Variants in PDE4D observed in about 807,000 individuals in gnomAD.
The protein encoded by PDE4D is phosphodiesterase 4D, also known as 3',5'-cyclic-AMP phosphodiesterase 4D.
PDE4D carries 24 observed loss-of-function variants against 87.4 expected under a neutral mutation model. That is an observed-to-expected ratio of 0.27 (90% CI 0.20 to 0.39). The LOEUF is 0.39. PDE4D is among the 10% of genes least tolerant of loss of function. PDE4D has a pLI of 1.00. For missense variants in PDE4D, 714 were observed against 1,041.0 expected (o/e 0.69, Z 4.32); for synonymous variants, 384 against 383.2 (o/e 1.00, Z -0.02).
At position 60,354,622 on chromosome 5, in the gene PDE4D, C is replaced by T. The variant is rs376679391; in HGVS notation, c.-90+133320G>A. Among the ~76,000 whole-genome samples, 9 of 152,222 alleles carry T rather than the reference C, an allele frequency of 5.9e-5. 1 individual carries two copies. Among genetic ancestry groups the T allele is most frequent in the African/African-American group, 2.2e-4 (9 of 41,566 alleles). On this transcript the variant is annotated intron_variant, in intron 1 of 16. Transcript: ENST00000502484. ...ACAAGGTAATCTCTATATGTTATTT[C>T]CTGTTTTCTGGTTATAAATCTAAGT...
At chr5:59,746,170 T>A (rs1223826906) in intron 1 of PDE4D, among the ~76,000 whole-genome samples, 2 of 152,128 alleles carry the variant, frequency 1.3e-5, no homozygotes, top group African/African-American at 4.8e-5. Context: ...TGTGTCCAAA[T>A]CATGGAAAAA....
chr5:59,162,938 C>T (rs1360204008), intron 5 of PDE4D, among the ~76,000 whole-genome samples: 2 of 150,352 alleles, frequency 1.3e-5, no homozygotes, highest in African/African-American at 2.4e-5. Context: ...TCTCACTTAT[C>T]TAATTGATTT....
chr5:59,299,932 A>T (rs970294900), intron 1 of PDE4D, among the ~76,000 whole-genome samples: 3 of 152,156 alleles, frequency 2.0e-5, no homozygotes, highest in African/African-American at 7.2e-5. Context: ...CAACATGGCG[A>T]AACCCTGTCT....
intron 2 of PDE4D, among the ~76,000 whole-genome samples, chr5:59,205,610 C>G (rs1207494281): frequency 6.6e-6 from 1 of 150,476 alleles, no homozygotes; most frequent in Non-Finnish European, 1.5e-5. Context: ...ACAGAATATT[C>G]TGCAAGACTC....
At position 59,670,749 on chromosome 5, in the gene PDE4D, C is replaced by G. The variant is rs1216018802; in HGVS notation, c.455+222419G>C. ...TGTAATTATAATAAAGTGGAAAAAA[C>G]TATATCAGGTATGAGTATTAATATT... is the stretch of plus-strand genomic sequence containing the variant. On this transcript the variant is annotated intron_variant, in intron 1 of 14. Transcript: ENST00000340635. Among the ~76,000 whole-genome samples the G allele has an allele frequency of 2.0e-5, 3 of 152,016 alleles. No homozygotes were observed. The East Asian group carries it at 5.8e-4, about 29-fold the overall frequency.
At chr5:59,504,712 C>T (rs1043828905) in intron 1 of PDE4D, among the ~76,000 whole-genome samples, 2 of 152,008 alleles carry the variant, frequency 1.3e-5, no homozygotes, top group African/African-American at 4.8e-5. Context: ...CAAACCACAC[C>T]AGAGTCCACC....
intron 1 of PDE4D, among the ~76,000 whole-genome samples, chr5:60,410,268 G>A (rs896032280): frequency 2.6e-5 from 4 of 152,194 alleles, no homozygotes; most frequent in Non-Finnish European, 5.9e-5. Flanking sequence ...CCTGAAGTGC[G>A]ATCAGTGGAC....
chr5:59,217,262 G>T (rs1002742347), intron 1 of PDE4D: 2 of 455,920 alleles, frequency 4.4e-6, no homozygotes, highest in Admixed American at 2.4e-5. Flanking sequence ...AGAAAAACTT[G>T]TTGAAAGAAT....
Position 60,120,883 on chromosome 5 carries a change from CA to C in PDE4D, c.42+64673del, listed in dbSNP as rs531383406. On this transcript the variant is annotated intron_variant, in intron 2 of 16. Transcript: ENST00000502484. ...CTGGGTGTGTCTGTGAGGGTGTTGCCAAAGGAGATTAACATTTGAGTCAGTG... is the reference window on the plus strand; with the variant it reads ...CTGGGTGTGTCTGTGAGGGTGTTGCCAAGGAGATTAACATTTGAGTCAGTG... Among the ~76,000 whole-genome samples the C allele has an allele frequency of 7.4e-3, 1,120 of 152,094 alleles. 4 individuals are homozygous for C. Among genetic ancestry groups the C allele is most frequent in the Middle Eastern group, 0.027 (8 of 294 alleles).
intron 5 of PDE4D, among the ~76,000 whole-genome samples, chr5:59,079,610 G>A (rs1180650277): frequency 6.6e-6 from 1 of 151,750 alleles, no homozygotes; most frequent in Non-Finnish European, 1.5e-5. Flanking sequence ...AGAATTGCTT[G>A]AGGCCAGGAG....
chr5:59,470,549 T>C (rs1802287308), intron 1 of PDE4D, among the ~76,000 whole-genome samples: 1 of 152,218 alleles, frequency 6.6e-6, no homozygotes, highest in South Asian at 2.1e-4. Context: ...TATAGTAAGA[T>C]CTTCCATAAA....
chr5:59,549,754 T>A (rs548777634), intron 1 of PDE4D, among the ~76,000 whole-genome samples: 1 of 152,032 alleles, frequency 6.6e-6, no homozygotes, highest in Non-Finnish European at 1.5e-5. Flanking sequence ...AACACACACA[T>A]GTACACATGC....
At chr5:60,008,123 G>A (rs1010359179) in intron 2 of PDE4D, among the ~76,000 whole-genome samples, 2 of 151,782 alleles carry the variant, frequency 1.3e-5, no homozygotes, top group African/African-American at 2.4e-5. Flanking sequence ...TAACATTTTG[G>A]GGACACAAAG....
At chr5:59,298,327 G>A (rs1769499790) in intron 1 of PDE4D, among the ~76,000 whole-genome samples, 1 of 151,930 alleles carries the variant, frequency 6.6e-6, no homozygotes, top group African/African-American at 2.4e-5. Flanking sequence ...TGTTGACCAG[G>A]CTGGTCCTGA....
intron 1 of PDE4D, among the ~76,000 whole-genome samples, chr5:59,720,196 C>T (rs187082201): frequency 6.6e-6 from 1 of 152,264 alleles, no homozygotes; most frequent in African/African-American, 2.4e-5. Context: ...GGATCTTGCT[C>T]TGTTGCCCAG....
chr5:59,762,233 CGTATATGTGTATATGG>C (rs1762075954), intron 1 of PDE4D, among the ~76,000 whole-genome samples: 3 of 96,270 alleles, frequency 3.1e-5, no homozygotes, highest in Non-Finnish European at 2.4e-5. Flanking sequence ...TACACATATG[CGTATATGTGTATATGG>C]GTACACATAT....
At chr5:60,382,125 A>G (rs955251630) in intron 1 of PDE4D, among the ~76,000 whole-genome samples, 1 of 152,170 alleles carries the variant, frequency 6.6e-6, no homozygotes, top group African/African-American at 2.4e-5. Context: ...AAGGGCATTT[A>G]GAAGTTTGTC....
chr5:60,441,933 G>A (rs529159119), intron 1 of PDE4D, among the ~76,000 whole-genome samples: 1 of 152,028 alleles, frequency 6.6e-6, no homozygotes, highest in Admixed American at 6.5e-5. Context: ...TAAAAAGTCA[G>A]GAAACAGCAG....
chr5:59,845,506 A>G (rs1055470886), intron 1 of PDE4D, among the ~76,000 whole-genome samples: 6 of 152,110 alleles, frequency 3.9e-5, no homozygotes, highest in Non-Finnish European at 8.8e-5. Context: ...GTGAAGTTCT[A>G]TTTGTTTGAT....
Sources: allele counts gnomAD v4.1 joint callset (sites outside exome capture counted in the v4.1 genomes callset), GRCh38; gene constraint gnomAD v4.1.1; transcripts MANE v1.5; gene names NCBI Gene and HGNC (gene_info 2026-07-23, HGNC 2026-07-21).